The following DDC variants were observed in gnomAD, a reference collection of about 807,000 sequenced individuals.
DDC encodes dopa decarboxylase.
In DDC, 43 loss-of-function variants were observed where a neutral mutation model predicts 60.0. The ratio of observed to expected loss-of-function variants is 0.72; its 90% CI spans 0.56 to 0.92. The LOEUF is 0.92. DDC is among the 40% of genes least tolerant of loss of function. The probability of loss-of-function intolerance (pLI) is 0.00; values close to 1 mark genes in which losing one functional copy is unlikely to be tolerated. For synonymous variants in DDC, 232 were observed against 234.6 expected, an observed-to-expected ratio of 0.99 and a Z score of 0.10; for missense variants, 573 against 620.2, an observed-to-expected ratio of 0.92 and a Z score of 0.81.
intron 14 of DDC, among the ~76,000 whole-genome samples, chr7:50,462,768 G>GTTTTT (rs11302809): frequency 9.2e-5 from 9 of 98,322 alleles, no homozygotes; most frequent in African/African-American, 2.0e-4. Context: ...TCTTCTTCTT[G>GTTTTT]TTTTTTTTTT....
chr7:50,508,777 A>G (rs1229534039), intron 6 of DDC, among the ~76,000 whole-genome samples: 2 of 152,236 alleles, frequency 1.3e-5, no homozygotes, highest in Non-Finnish European at 2.9e-5. Context: ...ACAGCTGGGC[A>G]GTGAGACAAG....
intron 9 of DDC, among the ~76,000 whole-genome samples, chr7:50,491,650 T>A (rs533751367): frequency 7.6e-4 from 116 of 152,328 alleles, no homozygotes; most frequent in African/African-American, 2.7e-3. Flanking sequence ...AGCAGAAAGC[T>A]ACAGATAAAA....
intron 9 of DDC, among the ~76,000 whole-genome samples, chr7:50,484,670 G>C (rs1053442814): frequency 9.2e-5 from 14 of 152,062 alleles, no homozygotes; most frequent in Admixed American, 7.2e-4. Context: ...CACACACACA[G>C]AGAAACATGC....
At chr7:50,535,145 C>T (rs142368034) in intron 4 of DDC, among the ~76,000 whole-genome samples, 5 of 151,874 alleles carry the variant, frequency 3.3e-5, no homozygotes, top group Admixed American at 1.3e-4. Context: ...ACATAGCTGA[C>T]GTTTTCTTTT....
chr7:50,492,179 A>G lies in DDC; in HGVS notation c.944+3171T>C, dbSNP rs1242764861. Among the ~76,000 whole-genome samples, 3 of 152,364 alleles carry G rather than the reference A, an allele frequency of 2.0e-5. No homozygotes were observed. The East Asian group carries it at 5.8e-4, about 29-fold the overall frequency. On this transcript the variant is annotated intron_variant, in intron 9 of 14. Coordinates refer to ENST00000444124, the MANE Select transcript of DDC (RefSeq NM_001082971.2). ...CAGACCTCTGGCCTCTAGGACTGAGATAAATCATCTCTTGTTTAAGCCGCT... is the reference window on the plus strand; with the variant it reads ...CAGACCTCTGGCCTCTAGGACTGAGGTAAATCATCTCTTGTTTAAGCCGCT...
At chr7:50,543,580 G>T (rs1242294243) in intron 2 of DDC, 10 of 423,552 alleles carry the variant, frequency 2.4e-5, no homozygotes, top group South Asian at 4.2e-5. Context: ...ATGAGGACAC[G>T]CTCTATGTAC....
At chr7:50,537,528 G>A (rs753441623) in intron 4 of DDC, among the ~76,000 whole-genome samples, 16 of 152,346 alleles carry the variant, frequency 1.1e-4, no homozygotes, top group East Asian at 5.8e-4. Context: ...CACAGTGGCC[G>A]GCGATGGGGA....
intron 6 of DDC, among the ~76,000 whole-genome samples, chr7:50,525,377 G>C (rs1395502786): frequency 1.3e-5 from 2 of 152,324 alleles, no homozygotes; most frequent in East Asian, 3.9e-4. Flanking sequence ...AGTTATAAAA[G>C]TTGGAACAAT....
At chr7:50,509,412 G>T (rs1405358383) in intron 6 of DDC, among the ~76,000 whole-genome samples, 1 of 152,068 alleles carries the variant, frequency 6.6e-6, no homozygotes, top group Non-Finnish European at 1.5e-5. Flanking sequence ...TCGTGCTTCT[G>T]CCTCCTCCAC....
chr7:50,528,169 T>C lies in DDC; in HGVS notation c.682A>G (p.Arg228Gly), dbSNP rs1411013487. 6.2e-6 allele frequency: 10 copies of C among 1,613,502 alleles called. No homozygotes were observed. Among genetic ancestry groups the C allele is most frequent in the East Asian group, 2.2e-5 (1 of 44,884 alleles). ...GGAATCAGGCCAGCCGCTTTGTCTC[T>C]CTCCAGGGCTTCCTGCAGGGCAGAC... ...RASALQEALE[R>G]DKAAGLIPFF... The change falls in exon 6 of 15, where the codon AGA (arginine) becomes GGA (glycine). Residue 228 changes from arginine (R) to glycine (G), a missense_variant. Physicochemically the swap from Arg to Gly is moderately radical, Grantham distance 125. Coordinates refer to ENST00000444124, the MANE Select transcript of DDC (RefSeq NM_001082971.2).
At chr7:50,540,844 C>T (rs1486331368) in intron 2 of DDC, among the ~76,000 whole-genome samples, 1 of 152,146 alleles carries the variant, frequency 6.6e-6, no homozygotes, top group Admixed American at 6.5e-5. Flanking sequence ...GTTTCAGGAT[C>T]CAGGAGGCAA....
At chr7:50,499,901 C>T (rs2043210513) in intron 7 of DDC, among the ~76,000 whole-genome samples, 2 of 152,178 alleles carry the variant, frequency 1.3e-5, no homozygotes, top group South Asian at 2.1e-4. Context: ...CCAGTTGCTC[C>T]CCAGCCAAGG....
intron 1 of DDC, among the ~76,000 whole-genome samples, chr7:50,562,573 C>T (rs10278338): frequency 0.37 from 56,148 of 152,100 alleles, 10,829 homozygotes; most frequent in East Asian, 0.58. Flanking sequence ...TCCTGAGGAA[C>T]ACAGACTCCC....
At chr7:50,516,910 C>G (rs761116539) in intron 6 of DDC, among the ~76,000 whole-genome samples, 1 of 151,658 alleles carries the variant, frequency 6.6e-6, no homozygotes, top group Admixed American at 6.5e-5. Flanking sequence ...AGACCAACAA[C>G]AAGCAGTGAG....
chr7:50,472,925 C>T (rs922511384), intron 11 of DDC, among the ~76,000 whole-genome samples: 29 of 152,118 alleles, frequency 1.9e-4, no homozygotes, highest in Middle Eastern at 3.2e-3. Context: ...CTCCCCAGAC[C>T]GCCTTAGGTT....
chr7:50,528,301 T>G (rs2044098608), intron 5 of DDC, 21 bp from the exon 6 acceptor site: 1 of 1,613,592 alleles, frequency 6.2e-7, no homozygotes, highest in Non-Finnish European at 8.5e-7. Flanking sequence ...GACAGCAGAG[T>G]TGGATTTGTA....
intron 4 of DDC, among the ~76,000 whole-genome samples, chr7:50,529,696 A>G (rs922744903): frequency 6.6e-6 from 1 of 152,212 alleles, no homozygotes; most frequent in African/African-American, 2.4e-5. Context: ...GGCCCAGGGC[A>G]CCAGCATGCA....
intron 11 of DDC, 105 bp from the exon 12 acceptor site, chr7:50,470,276 T>A (rs1356640723): frequency 2.3e-6 from 2 of 853,716 alleles, no homozygotes; most frequent in Non-Finnish European, 4.0e-6. Context: ...GCCGATTCCC[T>A]GGTGGCCAAC....
At chr7:50,462,226 C>CAAAA (rs11410259) in intron 14 of DDC, among the ~76,000 whole-genome samples, 36 of 75,354 alleles carry the variant, frequency 4.8e-4, no homozygotes, top group East Asian at 8.9e-4. Flanking sequence ...GACAAAAAGA[C>CAAAA]AAAAAAAAAA....
Sources: allele counts gnomAD v4.1 joint callset (sites outside exome capture counted in the v4.1 genomes callset), GRCh38; gene constraint gnomAD v4.1.1; transcripts MANE v1.5; gene names NCBI Gene and HGNC (gene_info 2026-07-23, HGNC 2026-07-21).